JAKMIP3: variants seen among roughly 807,000 people sequenced by gnomAD.
JAKMIP3 encodes the protein Janus kinase and microtubule interacting protein 3, also known as janus kinase and microtubule-interacting protein 3.
Under a neutral mutation model 118.5 loss-of-function variants are expected in JAKMIP3, and 58 were observed. That is an observed-to-expected ratio of 0.49 (90% confidence interval 0.40 to 0.61). The LOEUF (loss-of-function observed/expected upper bound fraction) is 0.61. JAKMIP3 is among the 20% of genes least tolerant of loss of function. JAKMIP3 has a pLI of 0.00. For missense variants in JAKMIP3, 950 were observed against 1,109.0 expected (o/e 0.86, Z 2.04); for synonymous variants, 486 against 451.2 (o/e 1.08, Z -0.98).
chr10:132,069,582 C>A (rs188189233), intron 1 of JAKMIP3, among the ~76,000 whole-genome samples: 108 of 152,182 alleles, frequency 7.1e-4, no homozygotes, highest in African/African-American at 2.2e-3. Context: ...GGCATCCCCC[C>A]CTGCGTGCAG....
At chr10:132,056,892 C>T (rs1016439838) in intron 1 of JAKMIP3, among the ~76,000 whole-genome samples, 5 of 152,136 alleles carry the variant, frequency 3.3e-5, no homozygotes, top group African/African-American at 1.2e-4. Flanking sequence ...AGCTCCCACC[C>T]AGTGGTCCAG....
At chr10:132,100,076 C>T (rs566850394) in intron 1 of JAKMIP3, among the ~76,000 whole-genome samples, 20 of 152,322 alleles carry the variant, frequency 1.3e-4, no homozygotes, top group African/African-American at 4.8e-4. Flanking sequence ...CTGGCTCCTG[C>T]CCCCGGGCTG....
chr10:132,167,028 T>C lies in JAKMIP3; in HGVS notation c.2536T>C (p.Ser846Pro). The C allele has an allele frequency of 1.3e-6, 2 of 1,550,388 alleles. No homozygotes were observed. The highest frequency in any genetic ancestry group is 1.7e-6 in the Non-Finnish European group (2 of 1,145,916). The change falls in exon 22 of 24, where the codon TCA (serine) becomes CCA (proline). Residue 846 changes from serine to proline, a missense_variant. By Grantham distance (74) the Ser-to-Pro change is moderately conservative (BLOSUM62 -1). Coordinates refer to ENST00000684848, the MANE Select transcript of JAKMIP3 (RefSeq NM_001323087.2). The part of the protein sequence containing the change: ...LFFSLAFILW[S>P] ...TTTCTCCTTAGCTTTCATTCTCTGG[T>C]CATAGTCCGTCTTGGCACCCTGACG...
At chr10:132,150,762 C>T (rs1226779104) in intron 16 of JAKMIP3, among the ~76,000 whole-genome samples, 1 of 152,060 alleles carries the variant, frequency 6.6e-6, no homozygotes, top group Non-Finnish European at 1.5e-5. Flanking sequence ...ATCCGTCCTC[C>T]ATAATCCATG....
intron 1 of JAKMIP3, among the ~76,000 whole-genome samples, chr10:132,095,608 TG>T (rs992701451): frequency 6.6e-6 from 1 of 152,222 alleles, no homozygotes; most frequent in Non-Finnish European, 1.5e-5. Flanking sequence ...TCAGAGGGTC[TG>T]GGGGTTCTCT....
At chr10:132,054,009 C>A (rs534675682) in intron 1 of JAKMIP3, among the ~76,000 whole-genome samples, 1 of 144,438 alleles carries the variant, frequency 6.9e-6, no homozygotes, top group East Asian at 2.0e-4. Flanking sequence ...CACTGCACTC[C>A]AGCCTGGGTG....
chr10:132,039,938 C>T (rs1420712685), intron 1 of JAKMIP3, among the ~76,000 whole-genome samples: 3 of 152,222 alleles, frequency 2.0e-5, no homozygotes, highest in Admixed American at 1.3e-4. Flanking sequence ...TTCACAAGCT[C>T]GTGCTTCTTT....
chr10:132,172,462 C>T (rs2059587094), intron 23 of JAKMIP3, among the ~76,000 whole-genome samples: 1 of 152,080 alleles, frequency 6.6e-6, no homozygotes, highest in African/African-American at 2.4e-5. Flanking sequence ...TCTCCGCACC[C>T]GTTGGTGGAT....
chr10:132,180,656 T>TGTGTGTGCGC (rs1554963087), intron 23 of JAKMIP3, among the ~76,000 whole-genome samples: 1 of 16,338 alleles, frequency 6.1e-5, no homozygotes, highest in African/African-American at 2.5e-4. Context: ...CGTGTGCGTG[T>TGTGTGTGCGC]GCGTGTGTGC....
intron 2 of JAKMIP3, among the ~76,000 whole-genome samples, chr10:132,109,113 CATATATATATACACACACACAT>C (rs1564908548): frequency 0.012 from 1,509 of 129,962 alleles, 38 homozygotes; most frequent in African/African-American, 0.041. Flanking sequence ...TACACACACA[CATATATATATACACACACACAT>C]ATATATATAT....
In JAKMIP3 at chr10:132,140,434, C is replaced by T. The variant is rs758944313; in HGVS notation, c.1345-17C>T. Reference sequence around the variant, plus strand: ...CTGGGTCTGGTTTGAACTGACACGTCGCATTTTGGTCACAAGCCGGTGGTT... The same window carrying T: ...CTGGGTCTGGTTTGAACTGACACGTTGCATTTTGGTCACAAGCCGGTGGTT... On this transcript the variant is annotated splice_polypyrimidine_tract_variant and intron_variant, in intron 9 of 23. Coordinates refer to ENST00000684848, the MANE Select transcript of JAKMIP3 (RefSeq NM_001323087.2). 2.5e-5 allele frequency: 41 copies of T among 1,613,238 alleles called. No individual in the cohort carries two copies. Among genetic ancestry groups the T allele is most frequent in the South Asian group, 6.6e-5 (6 of 91,066 alleles).
At chr10:132,149,571 TCTCCGCCCCCGCCCCACCCCCCTCCG>T (rs2055464007) in intron 15 of JAKMIP3, 61 bp downstream of exon 15, 2 of 311,846 alleles carry the variant, frequency 6.4e-6, no homozygotes, top group African/African-American at 2.1e-4. Flanking sequence ...CCCCACCCCC[TCTCCGCCCCCGCCCCACCCCCCTCCG>T]CCCCCGCCCC....
Position 132,167,046 on chromosome 10 carries a change from C to G in JAKMIP3, c.*13C>G. On this transcript the variant is annotated 3_prime_UTR_variant, in exon 22 of 24. Coordinates refer to ENST00000684848, the MANE Select transcript of JAKMIP3 (RefSeq NM_001323087.2). ...TCTCTGGTCATAGTCCGTCTTGGCA[C>G]CCTGACGTGGTGAGTATTTCGTTGG... 6.5e-7 allele frequency: 1 copy of G among 1,548,654 alleles called. No homozygotes were observed.
At chr10:132,046,576 G>C (rs112238310) in intron 1 of JAKMIP3, among the ~76,000 whole-genome samples, 2 of 152,070 alleles carry the variant, frequency 1.3e-5, no homozygotes, top group African/African-American at 4.8e-5. Context: ...TCACCGCCTC[G>C]TGCTGTTCAG....
At chr10:132,172,273 C>T (rs886898214) in intron 23 of JAKMIP3, among the ~76,000 whole-genome samples, 13 of 152,068 alleles carry the variant, frequency 8.5e-5, no homozygotes, top group African/African-American at 3.1e-4. Context: ...ACCCTAAGTA[C>T]CACACCAGGG....
At chr10:132,159,728 C>T (rs117340964) in intron 19 of JAKMIP3, among the ~76,000 whole-genome samples, 2,625 of 72,036 alleles carry the variant, frequency 0.036, 167 homozygotes, top group Non-Finnish European at 0.053. Flanking sequence ...GGGGGCATGT[C>T]TTCCTGTGTG....
chr10:132,139,319 T>TGTAC (rs1491476946), intron 9 of JAKMIP3, among the ~76,000 whole-genome samples: 3 of 75,938 alleles, frequency 4.0e-5, no homozygotes, highest in African/African-American at 2.3e-4. Flanking sequence ...TGTGTATGTG[T>TGTAC]ATGTGTGTGT....
At chr10:132,109,450 C>T (rs2046507429) in intron 2 of JAKMIP3, among the ~76,000 whole-genome samples, 1 of 152,202 alleles carries the variant, frequency 6.6e-6, no homozygotes, top group Non-Finnish European at 1.5e-5. Context: ...ACTAGAAGCT[C>T]TCCGCCCGGC....
chr10:132,111,445 C>T (rs887638722), intron 2 of JAKMIP3, among the ~76,000 whole-genome samples: 2 of 152,094 alleles, frequency 1.3e-5, no homozygotes, highest in Non-Finnish European at 2.9e-5. Context: ...ATGGGTGTGA[C>T]CTCGAGCGCC....
Sources: gnomAD v4.1 joint callset for allele counts (sites outside exome capture counted in the v4.1 genomes callset) on GRCh38, gnomAD v4.1.1 for gene constraint, MANE v1.5 for transcripts, NCBI Gene and HGNC (gene_info 2026-07-23, HGNC 2026-07-21) for gene names.